Variants in COL6A5 observed in about 807,000 individuals in gnomAD.
COL6A5 encodes collagen alpha-5(VI) chain.
COL6A5 carries 48 observed loss-of-function variants against 65.6 expected under a neutral mutation model. The ratio of observed to expected loss-of-function variants is 0.73; its 90% CI spans 0.58 to 0.93. The LOEUF (loss-of-function observed/expected upper bound fraction) is 0.93, where lower values mean the gene tolerates loss of function less well. Among genes scored for constraint, COL6A5 ranks in the 40% least tolerant of loss-of-function variants. The pLI is 0.00. For missense variants in COL6A5, 914 were observed against 928.3 expected, an observed-to-expected ratio of 0.98 and a Z score of 0.20; for synonymous variants, 291 against 322.8, an observed-to-expected ratio of 0.90 and a Z score of 1.05.
intron 27 of COL6A5, 34 bp from the exon 28 acceptor site, chr3:130,422,686 T>A: frequency 1.2e-5 from 17 of 1,385,888 alleles, no homozygotes; most frequent in Non-Finnish European, 1.7e-5. Context: ...AGCAAATACT[T>A]TAACATCTTG....
chr3:130,393,216 AC>A (rs1307784640), intron 7 of COL6A5, among the ~76,000 whole-genome samples: 1 of 150,290 alleles, frequency 6.7e-6, no homozygotes, highest in Non-Finnish European at 1.5e-5. Context: ...TTCACAATCT[AC>A]CCTGTCCTTC....
chr3:130,354,173 A>C (rs562786897), intron 1 of COL6A5, among the ~76,000 whole-genome samples: 1 of 152,302 alleles, frequency 6.6e-6, no homozygotes, highest in South Asian at 2.1e-4. Context: ...TTAAGGATAA[A>C]GGATAAAATA....
chr3:130,366,321 GC>G (rs1341762393), intron 1 of COL6A5, among the ~76,000 whole-genome samples: 1 of 152,156 alleles, frequency 6.6e-6, no homozygotes, highest in African/African-American at 2.4e-5. Context: ...GATAGAGGGG[GC>G]TTCTGTATAT....
intron 12 of COL6A5, 124 bp downstream of exon 12, chr3:130,401,978 T>G: frequency 1.5e-6 from 1 of 678,048 alleles, no homozygotes; most frequent in South Asian, 2.3e-5. Flanking sequence ...GGACATTTCA[T>G]GTGACTTTTT....
chr3:130,410,129 A>T (rs1358459915), intron 19 of COL6A5, 55 bp downstream of exon 19: 1 of 1,295,980 alleles, frequency 7.7e-7, no homozygotes, highest in Non-Finnish European at 1.1e-6. Flanking sequence ...GATCCAAGTA[A>T]ATTTAGTAAG....
In COL6A5 at chr3:130,415,627, C is replaced by T; in HGVS notation, c.4762-18C>T. ...TCATTGACATAATTGCATTGTATTT[C>T]CTTTGTTACCACTAAAGGGGTCACA... On this transcript the variant is annotated intron_variant and NMD_transcript_variant, in intron 22 of 41. Transcript: ENST00000312481. The T allele has an allele frequency of 6.5e-7, 1 of 1,537,978 alleles. No homozygotes were observed. Among genetic ancestry groups the T allele is most frequent in the African/African-American group, 1.4e-5 (1 of 72,342 alleles).
chr3:130,470,226 A>G (rs1299691339), intron 6 of COL6A5, among the ~76,000 whole-genome samples: 1 of 152,054 alleles, frequency 6.6e-6, no homozygotes, highest in African/African-American at 2.4e-5. Context: ...AGACATGCAT[A>G]TAGCAGCACA....
exon 9 of COL6A5, chr3:130,397,779 A>T: frequency 6.4e-7 from 1 of 1,551,710 alleles, no homozygotes; most frequent in Non-Finnish European, 8.7e-7. Context: ...GTGACCAAGG[A>T]TTCCCTGCCA....
At chr3:130,345,732 C>G (rs1417950260) in exon 1 of COL6A5, 3 of 398,574 alleles carry the variant, frequency 7.5e-6, no homozygotes, top group Non-Finnish European at 1.3e-5. Flanking sequence ...GCCAAGGGCA[C>G]GGGTCAGCGC....
intron 1 of COL6A5, among the ~76,000 whole-genome samples, chr3:130,369,034 G>T (rs1000810565): frequency 6.6e-6 from 1 of 152,170 alleles, no homozygotes; most frequent in Admixed American, 6.6e-5. Flanking sequence ...GGTTCCTAAA[G>T]CTGTGCCCTT....
At chr3:130,352,531 AG>A (rs1418249154) in intron 1 of COL6A5, among the ~76,000 whole-genome samples, 2 of 152,166 alleles carry the variant, frequency 1.3e-5, no homozygotes, top group Non-Finnish European at 2.9e-5. Context: ...TCAACCCCAC[AG>A]TAACCTTGAG....
intron 20 of COL6A5, among the ~76,000 whole-genome samples, chr3:130,412,963 A>C (rs989745945): frequency 6.6e-6 from 1 of 152,194 alleles, no homozygotes; most frequent in African/African-American, 2.4e-5. Flanking sequence ...TTATCACAAC[A>C]CTAAGTTAAT....
At chr3:130,422,691 A>G (rs1333184271) in intron 27 of COL6A5, 29 bp from the exon 28 acceptor site, 1 of 1,425,878 alleles carries the variant, frequency 7.0e-7, no homozygotes, top group African/African-American at 1.4e-5. Context: ...ATACTTTAAC[A>G]TCTTGACTTT....
rs1243115266 is a variant in COL6A5, at chr3:130,389,008, T to C, written c.2290T>C (p.Tyr764His). ...TGTGACCATCTTCTCTGTAGGAGTA[T>C]ACAATGCCAATAGATCTCAGCTAGA... The change falls in exon 6 of 42, where the codon TAC (tyrosine) becomes CAC (histidine). Residue 764 changes from tyrosine to histidine, a missense_variant and NMD_transcript_variant. Coordinates refer to the COL6A5 transcript ENST00000312481. 7.8e-6 allele frequency: 12 copies of C among 1,544,890 alleles called. No homozygotes were observed. The African/African-American group carries it at 1.1e-4, about 14-fold the overall frequency.
intron 10 of COL6A5, among the ~76,000 whole-genome samples, chr3:130,399,087 A>G (rs1034536568): frequency 3.3e-5 from 5 of 152,216 alleles, no homozygotes; most frequent in African/African-American, 1.2e-4. Flanking sequence ...AGTTGAGAGT[A>G]GGATGCAGCA....
chr3:130,397,891 ACATTTAAGGATAAATCTGCAT>A, exon 9 of COL6A5: 1 of 1,551,488 alleles, frequency 6.4e-7, no homozygotes. Flanking sequence ...TCTTTGGGAC[ACATTTAAGGATAAATCTGCAT>A]CCCGGGGCCA....
At position 130,423,704 on chromosome 3, in the gene COL6A5, A is replaced by G. The variant is rs570585665; in HGVS notation, c.5101-134A>G. On this transcript the variant is annotated intron_variant and NMD_transcript_variant, in intron 28 of 41. Transcript: ENST00000312481. ...ATATTGTTTGTATCACAAGTAAGCA[A>G]TTTACCTGACTTCAATTAATAGCTG... 5 of 589,148 alleles carry G rather than the reference A, an allele frequency of 8.5e-6. No individual in the cohort carries two copies. The East Asian group carries it at 1.2e-4, about 14-fold the overall frequency. 36.5% of individuals were successfully genotyped at this position (589,148 alleles called of 1,614,324 possible).
exon 3 of COL6A5, chr3:130,440,408 G>A (rs750613367): frequency 6.2e-7 from 1 of 1,613,500 alleles, no homozygotes; most frequent in South Asian, 1.1e-5. Flanking sequence ...GAGAAAGATG[G>A]GTACAGTAAA....
intron 6 of COL6A5, 65 bp downstream of exon 38, chr3:130,469,546 A>T (rs1388225790): frequency 2.4e-6 from 3 of 1,266,232 alleles, no homozygotes; most frequent in Non-Finnish European, 3.3e-6. Context: ...ACAGTCCATC[A>T]GCAGACTTAG....
Sources: allele counts gnomAD v4.1 joint callset (sites outside exome capture counted in the v4.1 genomes callset), GRCh38; gene constraint gnomAD v4.1.1; transcripts MANE v1.5; gene names NCBI Gene and HGNC (gene_info 2026-07-23, HGNC 2026-07-21).